Variants in IARS1 observed in about 807,000 individuals in gnomAD.
IARS1 encodes isoleucine--tRNA ligase, cytoplasmic.
Under a neutral mutation model 168.2 loss-of-function variants are expected in IARS1, and 124 were observed. That is an observed-to-expected ratio of 0.74 (90% CI 0.64 to 0.86). IARS1 has a LOEUF of 0.86. Ranked by LOEUF, IARS1 falls within the 40% of genes least tolerant of loss-of-function variation. The probability of loss-of-function intolerance (pLI) is 0.00; values close to 1 mark genes in which losing one functional copy is unlikely to be tolerated. For missense variants in IARS1, 1,452 were observed against 1,515.8 expected (o/e 0.96, Z 0.70); for synonymous variants, 532 against 529.4 (o/e 1.00, Z -0.07).
intron 33 of IARS1, 82 bp from the exon 34 acceptor site, chr9:92,210,971 T>C (rs1837653211): frequency 1.1e-6 from 1 of 881,454 alleles, no homozygotes; most frequent in Admixed American, 1.8e-5. Context: ...TAACTGCTTG[T>C]GTAGTAAGGA....
intron 10 of IARS1, 106 bp downstream of exon 10, chr9:92,274,318 GAA>G: frequency 3.8e-6 from 3 of 797,302 alleles, no homozygotes; most frequent in Non-Finnish European, 6.4e-6. Flanking sequence ...CAGTGAGCCA[GAA>G]AAGAGGCCAA....
chr9:92,226,730 T>C (rs1432190359), intron 31 of IARS1, among the ~76,000 whole-genome samples: 1 of 152,082 alleles, frequency 6.6e-6, no homozygotes, highest in Non-Finnish European at 1.5e-5. Context: ...CTTGCAGCTG[T>C]GTGTAACTCC....
At chr9:92,291,655 T>C (rs1202190640) in intron 1 of IARS1, among the ~76,000 whole-genome samples, 1 of 152,220 alleles carries the variant, frequency 6.6e-6, no homozygotes, top group Non-Finnish European at 1.5e-5. Context: ...AAAATAAGTG[T>C]TTGTGCATTT....
chr9:92,226,719 G>A (rs1488475804), intron 31 of IARS1, among the ~76,000 whole-genome samples: 2 of 151,950 alleles, frequency 1.3e-5, no homozygotes, highest in Non-Finnish European at 2.9e-5. Flanking sequence ...TTGTTTCTTG[G>A]CTTGCAGCTG....
At position 92,243,241 on chromosome 9, in the gene IARS1, T is replaced by C. The variant is rs201529368; in HGVS notation, c.2975A>G (p.Asn992Ser). ...CTTTTTGCGAAGTTTCTGTATGCGATTGATGACTTCCCGAGCCATTCCTTC... is the reference window on the plus strand; with the variant it reads ...CTTTTTGCGAAGTTTCTGTATGCGACTGATGACTTCCCGAGCCATTCCTTC... ...VDEGMAREVI[N>S]RIQKLRKKCN... The change falls in exon 28 of 34, where the codon AAT becomes AGT. Residue 992 changes from asparagine (N) to serine (S), a missense_variant. Physicochemically the swap from Asn to Ser is conservative, Grantham distance 46 (BLOSUM62 1). Transcript: ENST00000443024. The C allele has an allele frequency of 3.5e-5, 57 of 1,613,686 alleles. No individual in the cohort carries two copies. The East Asian group carries it at 3.8e-4, about 11-fold the overall frequency.
At chr9:92,249,403 GTTAGCTGGGCA>G (rs888463211) in intron 25 of IARS1, among the ~76,000 whole-genome samples, 3 of 152,014 alleles carry the variant, frequency 2.0e-5, no homozygotes, top group Admixed American at 6.5e-5. Context: ...AAATACAAAA[GTTAGCTGGGCA>G]TGGTGGCGGG....
intron 21 of IARS1, 103 bp from the exon 22 acceptor site, chr9:92,251,988 C>A: frequency 1.2e-6 from 1 of 816,474 alleles, no homozygotes; most frequent in South Asian, 1.5e-5. Context: ...GAACATGCAG[C>A]ATACAGACAA....
chr9:92,283,242 T>C (rs1335956367), intron 6 of IARS1, among the ~76,000 whole-genome samples: 1 of 152,210 alleles, frequency 6.6e-6, no homozygotes, highest in Non-Finnish European at 1.5e-5. Flanking sequence ...GTGGGTGAGT[T>C]AAGAATGGTG....
intron 13 of IARS1, among the ~76,000 whole-genome samples, chr9:92,268,825 G>A (rs564667472): frequency 2.0e-5 from 3 of 151,866 alleles, no homozygotes; most frequent in African/African-American, 7.3e-5. Flanking sequence ...CCTCTGACAC[G>A]CAGCCTGCCT....
intron 13 of IARS1, among the ~76,000 whole-genome samples, chr9:92,269,206 G>A (rs1430577743): frequency 6.6e-6 from 1 of 152,164 alleles, no homozygotes; most frequent in Non-Finnish European, 1.5e-5. Flanking sequence ...TTCCTTTGCT[G>A]CCCTGAGATT....
chr9:92,223,968 C>T (rs1825225885), intron 31 of IARS1, among the ~76,000 whole-genome samples: 1 of 152,178 alleles, frequency 6.6e-6, no homozygotes, highest in South Asian at 2.1e-4. Flanking sequence ...AGGCAGATGA[C>T]TGGTAATGGT....
At position 92,286,680 on chromosome 9, in the gene IARS1, GTGTT is replaced by G; in HGVS notation, c.397-66_397-63del. On this transcript the variant is annotated intron_variant, in intron 4 of 33. Transcript: ENST00000443024. ...GATATTTATAATTGTACATCAATGTGTGTTTATTTCTGTTGTCATCACAAATGAA... is the reference window on the plus strand; with the variant it reads ...GATATTTATAATTGTACATCAATGTGTATTTCTGTTGTCATCACAAATGAA... The G allele has an allele frequency of 3.2e-6, 3 of 932,266 alleles. No homozygotes were observed. The South Asian group carries it at 4.6e-5, about 14-fold the overall frequency. 57.7% of individuals were successfully genotyped at this position (932,266 alleles called of 1,614,324 possible).
intron 30 of IARS1, among the ~76,000 whole-genome samples, chr9:92,232,997 A>C (rs1424912494): frequency 6.6e-6 from 1 of 152,206 alleles, no homozygotes; most frequent in Non-Finnish European, 1.5e-5. Flanking sequence ...TCTAAACTTA[A>C]GTCTTTCTGA....
At chr9:92,271,383 C>T (rs1400083569) in intron 11 of IARS1, 150 bp downstream of exon 11, 17 of 996,098 alleles carry the variant, frequency 1.7e-5, no homozygotes, top group Non-Finnish European at 2.4e-5. Context: ...ACCCTCTGAA[C>T]GTAACTGATA....
At chr9:92,271,295 G>A (rs1176502301) in intron 11 of IARS1, among the ~76,000 whole-genome samples, 2 of 152,062 alleles carry the variant, frequency 1.3e-5, no homozygotes, top group East Asian at 1.9e-4. Flanking sequence ...GGTCACAAAG[G>A]TGCTTCATGA....
At chr9:92,258,767 T>C (rs1831095979) in intron 19 of IARS1, 87 bp downstream of exon 19, 2 of 1,361,846 alleles carry the variant, frequency 1.5e-6, no homozygotes, top group Non-Finnish European at 2.0e-6. Context: ...AGCCCTAAAG[T>C]CTCACACAGA....
chr9:92,259,072 G>A, intron 18 of IARS1, 74 bp from the exon 19 acceptor site: 1 of 1,305,004 alleles, frequency 7.7e-7, no homozygotes, highest in Non-Finnish European at 1.0e-6. Context: ...GACATATTGA[G>A]AGAGCAAGAT....
intron 7 of IARS1, 80 bp downstream of exon 7, chr9:92,280,666 A>G (rs1834412871): frequency 3.5e-6 from 3 of 848,326 alleles, no homozygotes; most frequent in Non-Finnish European, 5.3e-6. Flanking sequence ...TCATGCAAAA[A>G]GAAAGGTAAG....
At chr9:92,222,706 G>C (rs189328707) in intron 32 of IARS1, 34 bp from the exon 33 acceptor site, 10 of 1,610,802 alleles carry the variant, frequency 6.2e-6, no homozygotes, top group South Asian at 3.3e-5. Flanking sequence ...ATTAAATCTC[G>C]AGAGTTCACC....
Sources: allele counts gnomAD v4.1 joint callset (sites outside exome capture counted in the v4.1 genomes callset), GRCh38; gene constraint gnomAD v4.1.1; transcripts MANE v1.5; gene names NCBI Gene and HGNC (gene_info 2026-07-23, HGNC 2026-07-21).